FBRSL1: variants seen among roughly 807,000 people sequenced by gnomAD.
FBRSL1 encodes fibrosin like 1, also known as fibrosin-1-like protein.
In FBRSL1, 51 loss-of-function variants were observed where a neutral mutation model predicts 89.6. That is an observed-to-expected ratio of 0.57 (90% CI 0.45 to 0.72). The LOEUF is 0.72. Among genes scored for constraint, FBRSL1 ranks in the 30% least tolerant of loss-of-function variants. The probability of loss-of-function intolerance (pLI) is 0.00; values close to 1 mark genes in which losing one functional copy is unlikely to be tolerated. For missense variants in FBRSL1, 1,618 were observed against 1,451.8 expected, an observed-to-expected ratio of 1.11 and a Z score of -1.86; for synonymous variants, 779 against 681.1, an observed-to-expected ratio of 1.14 and a Z score of -2.24.
At chr12:132,512,623 G>A (rs2034468685) in intron 2 of FBRSL1, among the ~76,000 whole-genome samples, 1 of 152,214 alleles carries the variant, frequency 6.6e-6, no homozygotes, top group Admixed American at 6.5e-5. Context: ...TCAGGCCCCT[G>A]CCCCTACCCC....
At chr12:132,540,581 T>G (rs2037174676) in intron 4 of FBRSL1, among the ~76,000 whole-genome samples, 1 of 151,782 alleles carries the variant, frequency 6.6e-6, no homozygotes, top group Admixed American at 6.6e-5. Context: ...AGACATCCCC[T>G]CTCAGTGGAC....
chr12:132,560,600 G>C (rs981753938), intron 5 of FBRSL1, among the ~76,000 whole-genome samples: 2 of 152,186 alleles, frequency 1.3e-5, no homozygotes, highest in African/African-American at 4.8e-5. Context: ...GGGGCGGGGC[G>C]CGGCTGGCCC....
chr12:132,521,508 G>T (rs2035352999), intron 2 of FBRSL1, among the ~76,000 whole-genome samples: 1 of 152,194 alleles, frequency 6.6e-6, no homozygotes, highest in African/African-American at 2.4e-5. Flanking sequence ...GTCTGCATTA[G>T]AACAGCAGCC....
chr12:132,555,267 G>A (rs1235306608), intron 5 of FBRSL1, among the ~76,000 whole-genome samples: 1 of 152,198 alleles, frequency 6.6e-6, no homozygotes, highest in Non-Finnish European at 1.5e-5. Context: ...CTCTGGAGGG[G>A]GGTCACGGCT....
intron 5 of FBRSL1, chr12:132,551,339 G>T (rs1004092717): frequency 4.5e-6 from 2 of 446,250 alleles, no homozygotes; most frequent in Non-Finnish European, 9.1e-6. Context: ...GGCTGCTCCC[G>T]GTGGGCAGAA....
chr12:132,531,586 CTG>C (rs1209971586), intron 4 of FBRSL1, among the ~76,000 whole-genome samples: 1 of 151,956 alleles, frequency 6.6e-6, no homozygotes, highest in African/African-American at 2.4e-5. Flanking sequence ...TGTGTGTGAC[CTG>C]TGTTTGTGTG....
chr12:132,522,776 G>A (rs1462647513), intron 2 of FBRSL1, among the ~76,000 whole-genome samples: 2 of 152,216 alleles, frequency 1.3e-5, no homozygotes, highest in Non-Finnish European at 2.9e-5. Flanking sequence ...GGGCAACTCA[G>A]GGCTGCAGTG....
intron 15 of FBRSL1, among the ~76,000 whole-genome samples, chr12:132,578,367 A>ACACACACACACACAC (rs1566244737): frequency 1.3e-5 from 2 of 151,756 alleles, no homozygotes; most frequent in Admixed American, 6.6e-5. Flanking sequence ...ACACACACAC[A>ACACACACACACACAC]AAATCATAGA....
intron 1 of FBRSL1, among the ~76,000 whole-genome samples, chr12:132,502,487 T>C (rs1277506045): frequency 6.6e-6 from 1 of 152,060 alleles, no homozygotes; most frequent in Non-Finnish European, 1.5e-5. Context: ...AACGTCCGAG[T>C]GCACAGCAGG....
At chr12:132,503,815 C>T (rs1246820009) in intron 1 of FBRSL1, among the ~76,000 whole-genome samples, 3 of 152,176 alleles carry the variant, frequency 2.0e-5, no homozygotes, top group Admixed American at 2.0e-4. Context: ...GGGCTTTGGG[C>T]CTGAGCTCTT....
rs369307111 is a variant in FBRSL1, at chr12:132,499,237, C to T, written c.291+8376C>T. On this transcript the variant is annotated intron_variant, in intron 1 of 18. Transcript: ENST00000680143. This position sits in a 1 kb window ranked among gnomAD's most constrained non-coding sequence, Gnocchi z 4.3. ...GGATGGTGCCGGGCAGGGGTGGTGC[C>T]GGGCAGGGGTGGTGCTGGACCTCTG... is the stretch of plus-strand genomic sequence containing the variant. Among the ~76,000 whole-genome samples, 3 of 151,230 alleles carry T rather than the reference C, an allele frequency of 2.0e-5. No homozygotes were observed. Among genetic ancestry groups the T allele is most frequent in the Admixed American group, 1.3e-4 (2 of 15,166 alleles).
At position 132,499,272 on chromosome 12, in the gene FBRSL1, A is replaced by G. The variant is rs1352532523; in HGVS notation, c.291+8411A>G. ...TGGTGCTGGACCTCTGGGAGAGGCC[A>G]GGTGAGCCGCTGGCCAGCAGGGAAG... On this transcript the variant is annotated intron_variant, in intron 1 of 18. Transcript: ENST00000680143. The surrounding 1 kb of genome is among the most constrained non-coding windows in gnomAD (Gnocchi z 4.3). Among the ~76,000 whole-genome samples the G allele has an allele frequency of 6.6e-6, 1 of 151,154 alleles. No homozygotes were observed. Among genetic ancestry groups the G allele is most frequent in the African/African-American group, 2.4e-5 (1 of 40,930 alleles).
At position 132,546,864 on chromosome 12, in the gene FBRSL1, G is replaced by A. The variant is rs967646089; in HGVS notation, c.616-1139G>A. On this transcript the variant is annotated intron_variant, in intron 4 of 18. Transcript: ENST00000680143. The surrounding 1 kb of genome is among the most constrained non-coding windows in gnomAD (Gnocchi z 4.0). Reference sequence around the variant, plus strand: ...TAAAGCGCATTTCACACCGTACTGTGAGCTCCGTCGCTGAACACTCGGCAG... The same window carrying A: ...TAAAGCGCATTTCACACCGTACTGTAAGCTCCGTCGCTGAACACTCGGCAG... 5.3e-5 allele frequency among the ~76,000 whole-genome samples: 8 copies of A among 152,226 alleles called. No homozygotes were observed. Among genetic ancestry groups the A allele is most frequent in the Admixed American group, 3.3e-4 (5 of 15,286 alleles).
At position 132,570,378 on chromosome 12, in the gene FBRSL1, C is replaced by A; in HGVS notation, c.1051C>A (p.Leu351Met). ...APLGLGKHVS[L>M]SPHGPGPHLS... is the part of the protein sequence containing the mutation. ...CCTGGGCCTGGGGAAGCACGTGTCG[C>A]TGTCGCCACACGGGCCGGGCCCCCA... is the stretch of plus-strand genomic sequence containing the variant. The change falls in exon 8 of 19, where the codon CTG becomes ATG. Residue 351 changes from leucine to methionine, a missense_variant. Physicochemically the swap from Leu to Met is conservative, Grantham distance 15. Coordinates refer to ENST00000680143, the MANE Select transcript of FBRSL1 (RefSeq NM_001367871.1). The A allele has an allele frequency of 2.0e-6, 3 of 1,533,908 alleles. No individual in the cohort carries two copies. The highest frequency in any genetic ancestry group is 2.6e-6 in the Non-Finnish European group (3 of 1,145,402).
chr12:132,522,243 C>A (rs998515682), intron 2 of FBRSL1, among the ~76,000 whole-genome samples: 1 of 152,166 alleles, frequency 6.6e-6, no homozygotes. Flanking sequence ...ACCGGACAGG[C>A]CAGGCCGCAC....
chr12:132,519,288 G>T (rs1189912625), intron 2 of FBRSL1, among the ~76,000 whole-genome samples: 2 of 152,238 alleles, frequency 1.3e-5, no homozygotes, highest in African/African-American at 4.8e-5. Flanking sequence ...GGAGCCTGGA[G>T]GAGCTCTTTA....
chr12:132,572,710 C>G, intron 11 of FBRSL1, 88 bp downstream of exon 11: 1 of 913,354 alleles, frequency 1.1e-6, no homozygotes, highest in Non-Finnish European at 1.7e-6. Context: ...ACTCTCTGCC[C>G]ACAACCACCC....
At chr12:132,522,211 A>G (rs2035421109) in intron 2 of FBRSL1, among the ~76,000 whole-genome samples, 2 of 152,104 alleles carry the variant, frequency 1.3e-5, no homozygotes, top group Non-Finnish European at 2.9e-5. Context: ...TCCCAGCAAC[A>G]GGACAGCTCA....
intron 9 of FBRSL1, chr12:132,571,981 C>T: frequency 6.2e-6 from 3 of 482,786 alleles, no homozygotes; most frequent in Non-Finnish European, 1.1e-5. Context: ...GGTGTGTCCC[C>T]AGCGCGACCC....
Sources: gnomAD v4.1 joint callset for allele counts (sites outside exome capture counted in the v4.1 genomes callset) on GRCh38, gnomAD v4.1.1 for gene constraint, Gnocchi (gnomAD v3.1) non-coding constraint, MANE v1.5 for transcripts, NCBI Gene and HGNC (gene_info 2026-07-23, HGNC 2026-07-21) for gene names.